LARP1: variants seen among roughly 807,000 people sequenced by gnomAD.
LARP1 encodes the protein La ribonucleoprotein 1, translational regulator.
Under a neutral mutation model 122.7 loss-of-function variants are expected in LARP1, and 36 were observed. The observed-to-expected ratio is 0.29, with a 90% CI of 0.22 to 0.39. The LOEUF is 0.39. Ranked by LOEUF, LARP1 falls within the 10% of genes least tolerant of loss-of-function variation. The pLI, the probability that LARP1 is intolerant of heterozygous loss-of-function variation, is 1.00. For missense variants in LARP1, 1,040 were observed against 1,403.6 expected (o/e 0.74, Z 4.14); for synonymous variants, 539 against 528.7 (o/e 1.02, Z -0.27).
chr5:154,784,153 C>T (rs1756692686), intron 1 of LARP1, among the ~76,000 whole-genome samples: 1 of 152,204 alleles, frequency 6.6e-6, no homozygotes, highest in South Asian at 2.1e-4. Flanking sequence ...ACAAGCAAAG[C>T]CTCTTCTGGT....
intron 1 of LARP1, among the ~76,000 whole-genome samples, chr5:154,767,908 A>G (rs575335746): frequency 2.6e-5 from 4 of 152,288 alleles, no homozygotes; most frequent in South Asian, 2.1e-4. Flanking sequence ...GAGACAGGAA[A>G]TCAGGAACAC....
At chr5:154,715,041 G>T (rs1334675201) in intron 1 of LARP1, among the ~76,000 whole-genome samples, 1 of 151,634 alleles carries the variant, frequency 6.6e-6, no homozygotes, top group African/African-American at 2.4e-5. Flanking sequence ...TTAGCTGGGC[G>T]GAGTGGTGGG....
intron 1 of LARP1, among the ~76,000 whole-genome samples, chr5:154,747,843 G>A (rs188072160): frequency 1.4e-4 from 22 of 151,946 alleles, no homozygotes; most frequent in African/African-American, 2.2e-4. Context: ...CAGCCTGGGC[G>A]ACAGAGTGAG....
rs77970928 is a variant in LARP1, at chr5:154,794,766, C to T, written c.1233-409C>T. 1.1e-4 allele frequency among the ~76,000 whole-genome samples: 17 copies of T among 152,354 alleles called. No homozygotes were observed. The East Asian group carries it at 3.3e-3, about 29-fold the overall frequency. On this transcript the variant is annotated intron_variant, in intron 7 of 18. Coordinates refer to ENST00000518297, the MANE Select transcript of LARP1 (RefSeq NM_033551.3). ...AGCACAGATTTAAATCCTTTTCTGTCCTATTATAGAACCTTTGTTCTTAAC... is the reference window on the plus strand; with the variant it reads ...AGCACAGATTTAAATCCTTTTCTGTTCTATTATAGAACCTTTGTTCTTAAC...
At chr5:154,691,970 A>G (rs1315142379) in intron 1 of LARP1, among the ~76,000 whole-genome samples, 1 of 118,040 alleles carries the variant, frequency 8.5e-6, no homozygotes, top group African/African-American at 2.7e-5. Context: ...TTGTATTTTT[A>G]GCAGAGACGG....
chr5:154,737,966 A>G (rs536004307), intron 1 of LARP1, among the ~76,000 whole-genome samples: 2 of 152,098 alleles, frequency 1.3e-5, no homozygotes, highest in Admixed American at 1.3e-4. Flanking sequence ...TCTTGTCTTC[A>G]TCTCCGGGCC....
At chr5:154,696,018 A>G (rs1754456297) in intron 1 of LARP1, among the ~76,000 whole-genome samples, 1 of 152,304 alleles carries the variant, frequency 6.6e-6, no homozygotes, top group South Asian at 2.1e-4. Flanking sequence ...GTTTAGATCA[A>G]CTATATTTAT....
In LARP1 at chr5:154,802,089, A is replaced by T; in HGVS notation, c.1799A>T (p.Asp600Val). ...PSQQLMSKDQ[D>V]EQEELDFLFD... ...CAGCAGCTGATGTCCAAGGATCAGG[A>T]TGAGCAAGAGGAACTGGATTTTCTG... The change falls in exon 11 of 19, where the codon GAT becomes GTT. Residue 600 changes from aspartate to valine, a missense_variant. Physicochemically the swap from Asp to Val is radical, Grantham distance 152 (BLOSUM62 -3). This residue lies in a region of LARP1 where 362 missense variants were observed against 533.1 expected (regional missense o/e 0.68). Coordinates refer to ENST00000518297, the MANE Select transcript of LARP1 (RefSeq NM_033551.3). This position sits in a 1 kb window ranked among gnomAD's most constrained non-coding sequence, Gnocchi z 5.1. 1 of 1,614,170 alleles carries T rather than the reference A, an allele frequency of 6.2e-7. No individual in the cohort carries two copies.
chr5:154,795,417 C>T (rs1295426184), intron 8 of LARP1, 98 bp downstream of exon 8: 9 of 1,195,442 alleles, frequency 7.5e-6, no homozygotes, highest in African/African-American at 3.1e-5. Flanking sequence ...GAGTCATCAT[C>T]TGATGACTTC....
intron 1 of LARP1, chr5:154,685,935 G>C (rs11958012): frequency 2.1e-6 from 1 of 478,300 alleles, no homozygotes; most frequent in Non-Finnish European, 4.0e-6. Context: ...CTCGTGATTC[G>C]GTTAATCCTC....
chr5:154,803,209 C>A lies in LARP1; in HGVS notation c.2110-81C>A. The A allele has an allele frequency of 6.3e-7, 1 of 1,583,150 alleles. No homozygotes were observed. The highest frequency in any genetic ancestry group is 1.3e-5 in the African/African-American group (1 of 74,340). On this transcript the variant is annotated intron_variant, in intron 11 of 18. Transcript: ENST00000518297. The surrounding 1 kb of genome is among the most constrained non-coding windows in gnomAD (Gnocchi z 4.4). ...ACGTGGGAGCTGCCCTCTCCAACTT[C>A]CTGCCAGTCTTGATTCCTTAAACAG...
At chr5:154,685,183 G>T (rs1753869027) in intron 1 of LARP1, among the ~76,000 whole-genome samples, 1 of 151,894 alleles carries the variant, frequency 6.6e-6, no homozygotes, top group African/African-American at 2.4e-5. Flanking sequence ...GGTGGAGGTT[G>T]CAGTGAGCTG....
intron 15 of LARP1, 144 bp downstream of exon 15, chr5:154,806,176 G>A: frequency 2.3e-6 from 2 of 869,128 alleles, no homozygotes; most frequent in Non-Finnish European, 1.7e-6. Context: ...AAGAAAGACT[G>A]AAGTTAGACT....
intron 1 of LARP1, among the ~76,000 whole-genome samples, chr5:154,749,372 C>G (rs370838943): frequency 6.6e-6 from 1 of 152,158 alleles, no homozygotes; most frequent in South Asian, 2.1e-4. Context: ...ATTTATCAGA[C>G]CTTCTTCACT....
chr5:154,759,042 C>T (rs930321593), intron 1 of LARP1, among the ~76,000 whole-genome samples: 5 of 152,226 alleles, frequency 3.3e-5, no homozygotes, highest in African/African-American at 7.2e-5. Flanking sequence ...AGAGATGATA[C>T]ATAGCGAATA....
chr5:154,715,494 C>T (rs966476538), intron 1 of LARP1, among the ~76,000 whole-genome samples: 6 of 152,024 alleles, frequency 3.9e-5, no homozygotes, highest in South Asian at 2.1e-4. Flanking sequence ...CTGCCCGCCT[C>T]GGCTTCTCAA....
chr5:154,771,504 C>G (rs999796218), intron 1 of LARP1, among the ~76,000 whole-genome samples: 4 of 152,206 alleles, frequency 2.6e-5, no homozygotes, highest in Admixed American at 6.5e-5. Context: ...CAGACTGACT[C>G]CAGAGTTCAT....
chr5:154,760,462 G>A lies in LARP1; in HGVS notation c.436+4269G>A, dbSNP rs1052100409. Among the ~76,000 whole-genome samples, 6 of 152,176 alleles carry A rather than the reference G, an allele frequency of 3.9e-5. No individual in the cohort carries two copies. The East Asian group carries it at 1.2e-3, about 29-fold the overall frequency. On this transcript the variant is annotated intron_variant, in intron 1 of 18. Coordinates refer to ENST00000518297, the MANE Select transcript of LARP1 (RefSeq NM_033551.3). ...TATATATGTGTAGCTTTGTATTTGCGTTGTGATTAGGAATCCAAGCTCTCT... is the reference window on the plus strand; with the variant it reads ...TATATATGTGTAGCTTTGTATTTGCATTGTGATTAGGAATCCAAGCTCTCT...
intron 8 of LARP1, among the ~76,000 whole-genome samples, chr5:154,797,526 C>T (rs1484782863): frequency 6.6e-6 from 1 of 152,026 alleles, no homozygotes; most frequent in Non-Finnish European, 1.5e-5. Flanking sequence ...AGCTACCGCG[C>T]CCGGCCTGTT....
Sources: gnomAD v4.1 joint callset for allele counts (sites outside exome capture counted in the v4.1 genomes callset) on GRCh38, gnomAD v4.1.1 for gene constraint, gnomAD v4.1.1 regional missense constraint, Gnocchi (gnomAD v3.1) non-coding constraint, MANE v1.5 for transcripts, NCBI Gene and HGNC (gene_info 2026-07-23, HGNC 2026-07-21) for gene names.